NPHP4: variants seen among roughly 807,000 people sequenced by gnomAD.
The protein encoded by NPHP4 is nephrocystin-4.
NPHP4 carries 151 observed loss-of-function variants against 155.8 expected under a neutral mutation model. The observed-to-expected ratio is 0.97, with a 90% CI of 0.85 to 1.11. The LOEUF (loss-of-function observed/expected upper bound fraction) is 1.11, where lower values mean the gene tolerates loss of function less well. NPHP4 is among the 50% of genes least tolerant of loss of function. The probability of loss-of-function intolerance (pLI) is 0.00; values close to 1 mark genes in which losing one functional copy is unlikely to be tolerated. For synonymous variants in NPHP4, 845 were observed against 816.8 expected (o/e 1.03, Z -0.59); for missense variants, 1,956 against 1,925.7 (o/e 1.02, Z -0.29).
At chr1:5,941,490 G>A (rs1337691069) in intron 9 of NPHP4, among the ~76,000 whole-genome samples, 1 of 151,866 alleles carries the variant, frequency 6.6e-6, no homozygotes. Context: ...AAAATAAAAA[G>A]ATAAATGACA....
intron 13 of NPHP4, among the ~76,000 whole-genome samples, chr1:5,906,112 GAGC>G (rs1644903649): frequency 6.6e-6 from 1 of 152,134 alleles, no homozygotes; most frequent in South Asian, 2.1e-4. Context: ...CTAATTTTAT[GAGC>G]AGGTCAGGAC....
chr1:5,992,106 C>G (rs999902890), intron 1 of NPHP4, 138 bp downstream of exon 1: 2 of 152,496 alleles, frequency 1.3e-5, no homozygotes, highest in Admixed American at 6.5e-5. Flanking sequence ...CGGGCCCCCA[C>G]GCAGGGACGG....
At chr1:5,904,231 T>A (rs985302324) in intron 16 of NPHP4, among the ~76,000 whole-genome samples, 1 of 152,202 alleles carries the variant, frequency 6.6e-6, no homozygotes, top group Non-Finnish European at 1.5e-5. Flanking sequence ...TAAAAAAATG[T>A]TATGAGGTTA....
At chr1:5,964,858 TTA>T (rs1217364816) in intron 5 of NPHP4, among the ~76,000 whole-genome samples, 1 of 145,234 alleles carries the variant, frequency 6.9e-6, no homozygotes, top group East Asian at 1.9e-4. Context: ...TGTATATATT[TTA>T]TATATATATA....
Position 5,891,012 on chromosome 1 carries a change from C to A in NPHP4, c.2160G>T (p.Gln720His). The stretch of plus-strand genomic sequence containing the variant: ...ACCCAGGGCCCACCATGTACCTCAG[C>A]TGGAAGCCAGGAGACCCTGTCAAAG... ...GTFDAGSPGF[Q>H]LRYMVGPGFL... The change falls in exon 17 of 30, where the codon CAG becomes CAT. Residue 720 changes from glutamine to histidine, a missense_variant. Gln to His is a conservative substitution (Grantham distance 24). Coordinates refer to ENST00000378156, the MANE Select transcript of NPHP4 (RefSeq NM_015102.5). 3 of 1,556,264 alleles carry A rather than the reference C, an allele frequency of 1.9e-6. No individual in the cohort carries two copies. The highest frequency in any genetic ancestry group is 2.6e-6 in the Non-Finnish European group (3 of 1,138,860).
chr1:5,967,237 G>A (rs991361966), intron 5 of NPHP4, 62 bp downstream of exon 5: 31 of 1,243,986 alleles, frequency 2.5e-5, no homozygotes, highest in Non-Finnish European at 3.6e-5. Flanking sequence ...AGCTAAAGGT[G>A]GGGAACACTC....
chr1:5,875,625 G>A (rs758749242), intron 20 of NPHP4, among the ~76,000 whole-genome samples: 9 of 152,336 alleles, frequency 5.9e-5, no homozygotes, highest in Non-Finnish European at 8.8e-5. Flanking sequence ...CTCTGATGCC[G>A]CAGGGACTCA....
Position 5,867,127 on chromosome 1 carries a change from G to C in NPHP4, c.3473-12C>G, listed in dbSNP as rs746447264. The C allele has an allele frequency of 8.7e-6, 14 of 1,603,678 alleles. No individual in the cohort carries two copies. The highest frequency in any genetic ancestry group is 1.2e-5 in the Non-Finnish European group (14 of 1,174,022). On this transcript the variant is annotated splice_polypyrimidine_tract_variant and intron_variant, in intron 24 of 29. Coordinates refer to ENST00000378156, the MANE Select transcript of NPHP4 (RefSeq NM_015102.5). This position sits in a 1 kb window ranked among gnomAD's most constrained non-coding sequence, Gnocchi z 4.1. ...TCCCACCGGAGCACCTGGAGCAGGG[G>C]AAATGTCAAAAAGAGTCTTCTCCAC...
At chr1:5,942,508 G>C (rs1234932281) in intron 9 of NPHP4, among the ~76,000 whole-genome samples, 1 of 133,574 alleles carries the variant, frequency 7.5e-6, no homozygotes, top group Non-Finnish European at 1.5e-5. Context: ...TCCAGCCTGG[G>C]CAACAGAGCG....
chr1:5,869,348 G>GCA (rs749978799), intron 23 of NPHP4, among the ~76,000 whole-genome samples: 2 of 136,700 alleles, frequency 1.5e-5, no homozygotes, highest in Non-Finnish European at 3.2e-5. Context: ...ACACATGCAC[G>GCA]CACACACACA....
At chr1:5,868,938 CCACATGCACACACA>C (rs1641630188) in intron 23 of NPHP4, among the ~76,000 whole-genome samples, 1 of 138,674 alleles carries the variant, frequency 7.2e-6, no homozygotes. Context: ...ATGCATGCAC[CCACATGCACACACA>C]CACAATGCAC....
chr1:5,978,198 C>T lies in NPHP4; in HGVS notation c.279+72G>A, dbSNP rs1028477503. 3 of 1,440,022 alleles carry T rather than the reference C, an allele frequency of 2.1e-6. No individual in the cohort carries two copies. In the African/African-American group the frequency reaches 4.2e-5, roughly 20 times the overall value. 89.2% of individuals were successfully genotyped at this position (1,440,022 alleles called of 1,614,324 possible). ...TCTCGGCAAGGCCCCAGTCTCTGGG[C>T]TGCCACCCAGGACCACCCGCACACA... is the stretch of plus-strand genomic sequence containing the variant. On this transcript the variant is annotated intron_variant, in intron 3 of 29. Transcript: ENST00000378156.
In NPHP4 at chr1:5,905,773, G is replaced by C; in HGVS notation, c.1622C>G (p.Pro541Arg). 1 of 1,607,136 alleles carries C rather than the reference G, an allele frequency of 6.2e-7. No homozygotes were observed. Among genetic ancestry groups the C allele is most frequent in the Non-Finnish European group, 8.5e-7 (1 of 1,176,730 alleles). Residue 541 changes from proline (P) to arginine (R), a missense_variant, in exon 14 of 30, where the codon CCG becomes CGG. Physicochemically the swap from Pro to Arg is moderately radical, Grantham distance 103. Transcript: ENST00000378156. The surrounding 1 kb of genome is among the most constrained non-coding windows in gnomAD (Gnocchi z 4.0). The stretch of plus-strand genomic sequence containing the variant: ...CAGGTGGGAGATACCGGCCTCCAAC[G>C]GGAACTCCTGCTGAACAAAACGAGG... ...QASPAQAQEF[P>R]LEAGISHLEA...
intron 9 of NPHP4, among the ~76,000 whole-genome samples, chr1:5,943,728 A>G (rs554539851): frequency 6.6e-6 from 1 of 152,316 alleles, no homozygotes; most frequent in South Asian, 2.1e-4. Context: ...TTATTAAGTA[A>G]AATACTTAAA....
At chr1:5,878,943 C>T (rs1158295349) in intron 19 of NPHP4, among the ~76,000 whole-genome samples, 2 of 152,248 alleles carry the variant, frequency 1.3e-5, no homozygotes, top group African/African-American at 4.8e-5. Flanking sequence ...CCCTTAGCCA[C>T]GGCACTGGCC....
At chr1:5,964,917 T>TTATATATATATATA (rs4068402) in intron 5 of NPHP4, among the ~76,000 whole-genome samples, 41 of 82,554 alleles carry the variant, frequency 5.0e-4, no homozygotes, top group Non-Finnish European at 7.9e-4. Flanking sequence ...TACATATATA[T>TTATATATATATATA]TATATATATA....
chr1:5,904,834 G>C, intron 15 of NPHP4, 30 bp from the exon 16 acceptor site: 1 of 1,606,756 alleles, frequency 6.2e-7, no homozygotes, highest in South Asian at 1.1e-5. Flanking sequence ...TGGGTTAACT[G>C]AGTATCCATG....
chr1:5,874,321 T>A lies in NPHP4; in HGVS notation c.3231+150A>T, dbSNP rs568795733. ...CCACTTGCAGTGTACATGCCAGGGC[T>A]CTTGTTGAGCACCAAGGGGAGTGGG... On this transcript the variant is annotated intron_variant, in intron 22 of 29. Transcript: ENST00000378156. 3.3e-5 allele frequency: 24 copies of A among 727,608 alleles called. No individual in the cohort carries two copies. The South Asian group carries it at 5.2e-4, about 16-fold the overall frequency. 45.1% of individuals were successfully genotyped at this position (727,608 alleles called of 1,614,324 possible).
chr1:5,989,470 T>C (rs1490693051), intron 1 of NPHP4, among the ~76,000 whole-genome samples: 2 of 152,174 alleles, frequency 1.3e-5, no homozygotes, highest in African/African-American at 2.4e-5. Flanking sequence ...GGTCACATCA[T>C]TCGTCACCTA....
Sources: gnomAD v4.1 joint callset for allele counts (sites outside exome capture counted in the v4.1 genomes callset) on GRCh38, gnomAD v4.1.1 for gene constraint, Gnocchi (gnomAD v3.1) non-coding constraint, MANE v1.5 for transcripts, NCBI Gene and HGNC (gene_info 2026-07-23, HGNC 2026-07-21) for gene names.